Variants in OPA1 observed in about 807,000 individuals in gnomAD.
The protein encoded by OPA1 is OPA1 mitochondrial dynamin like GTPase.
In OPA1, 59 loss-of-function variants were observed where a neutral mutation model predicts 152.9. The observed-to-expected ratio is 0.39, with a 90% CI of 0.31 to 0.48. The LOEUF (loss-of-function observed/expected upper bound fraction) is 0.48. OPA1 is among the 20% of genes least tolerant of loss of function. The probability of loss-of-function intolerance (pLI) is 0.96; values close to 1 mark genes in which losing one functional copy is unlikely to be tolerated. For synonymous variants in OPA1, 400 were observed against 389.9 expected, an observed-to-expected ratio of 1.03 and a Z score of -0.31; for missense variants, 1,008 against 1,216.8, an observed-to-expected ratio of 0.83 and a Z score of 2.55.
At chr3:193,598,911 C>G (rs987778043) in intron 1 of OPA1, among the ~76,000 whole-genome samples, 7 of 152,266 alleles carry the variant, frequency 4.6e-5, no homozygotes, top group African/African-American at 1.7e-4. Context: ...GAAGGGTGAG[C>G]TAAACGTTGT....
At chr3:193,609,188 A>G (rs929777949) in intron 1 of OPA1, among the ~76,000 whole-genome samples, 1 of 152,200 alleles carries the variant, frequency 6.6e-6, no homozygotes, top group Non-Finnish European at 1.5e-5. Flanking sequence ...TAATTGGAGC[A>G]TTTAGCCCAT....
intron 1 of OPA1, among the ~76,000 whole-genome samples, chr3:193,598,690 T>C (rs1725990071): frequency 6.6e-6 from 1 of 152,036 alleles, no homozygotes; most frequent in South Asian, 2.1e-4. Context: ...AGGATGTGAA[T>C]AGGTAAGGAG....
intron 11 of OPA1, among the ~76,000 whole-genome samples, chr3:193,642,220 G>A (rs1482444744): frequency 6.6e-6 from 1 of 152,148 alleles, no homozygotes; most frequent in Non-Finnish European, 1.5e-5. Flanking sequence ...CTCTTCTGTG[G>A]CACCCTAGGT....
chr3:193,609,676 A>G (rs1727881162), intron 1 of OPA1, among the ~76,000 whole-genome samples: 1 of 152,204 alleles, frequency 6.6e-6, no homozygotes, highest in African/African-American at 2.4e-5. Context: ...CAGGTACACC[A>G]ATCAGACGTA....
intron 29 of OPA1, among the ~76,000 whole-genome samples, chr3:193,689,665 C>T (rs75819186): frequency 0.013 from 1,935 of 152,236 alleles, 46 homozygotes; most frequent in African/African-American, 0.045. Flanking sequence ...TACCACCTCC[C>T]TGCAGTAGTC....
At chr3:193,679,960 G>A (rs1202519417) in intron 29 of OPA1, among the ~76,000 whole-genome samples, 1 of 152,124 alleles carries the variant, frequency 6.6e-6, no homozygotes, top group Admixed American at 6.5e-5. Context: ...GTGATAAACA[G>A]CACCTCTGTA....
intron 1 of OPA1, among the ~76,000 whole-genome samples, chr3:193,613,211 C>G (rs1235405255): frequency 6.6e-6 from 1 of 152,120 alleles, no homozygotes; most frequent in African/African-American, 2.4e-5. Context: ...TGGGATTGGC[C>G]AACACTCAGC....
At chr3:193,685,606 A>G (rs976933473) in intron 29 of OPA1, among the ~76,000 whole-genome samples, 2 of 152,204 alleles carry the variant, frequency 1.3e-5, no homozygotes, top group African/African-American at 4.8e-5. Context: ...AATTTACCCA[A>G]GCAGTCCTTG....
rs938737616 is a variant in OPA1, at chr3:193,594,763, CAGTT to C, written c.32+1357_32+1360del. The stretch of plus-strand genomic sequence containing the variant: ...GATAACAATAGTTAACAGTGTTAGT[CAGTT>C]AGAATTATTGCATAGGTATTTTTAA... On this transcript the variant is annotated intron_variant, in intron 1 of 30. Transcript: ENST00000361510. 9.0e-4 allele frequency among the ~76,000 whole-genome samples: 137 copies of C among 151,884 alleles called. 1 individual carries two copies. Among genetic ancestry groups the C allele is most frequent in the African/African-American group, 3.0e-3 (123 of 41,412 alleles).
intron 23 of OPA1, among the ~76,000 whole-genome samples, chr3:193,657,476 T>C (rs961808427): frequency 7.2e-5 from 11 of 152,202 alleles, no homozygotes; most frequent in Non-Finnish European, 1.6e-4. Flanking sequence ...GTAAACAGAC[T>C]CTGATAAACT....
At chr3:193,676,927 G>A (rs1019063677) in intron 29 of OPA1, among the ~76,000 whole-genome samples, 2 of 144,732 alleles carry the variant, frequency 1.4e-5, no homozygotes, top group African/African-American at 5.2e-5. Flanking sequence ...CTTGCGGTGA[G>A]CCGAGATCGC....
rs73069703 is a variant in OPA1, at chr3:193,654,898, A to G, written c.2049A>G (p.Val683=). ...TTCAACAATCTTTGTGGGAAAGAGT[A>G]TCAACTCATGTGATTGAAAACATCT... ...EILQQSLWER[V]STHVIENIYL... The change falls in exon 22 of 31, where the codon GTA becomes GTG. Residue 683 remains valine, a synonymous_variant. Coordinates refer to ENST00000361510, the MANE Select transcript of OPA1 (RefSeq NM_130837.3). 4,081 of 1,613,918 alleles carry G rather than the reference A, an allele frequency of 2.5e-3. 44 individuals carry two copies. Among genetic ancestry groups the G allele is most frequent in the East Asian group, 0.022 (981 of 44,822 alleles).
At chr3:193,646,110 C>T (rs962338445) in intron 18 of OPA1, among the ~76,000 whole-genome samples, 22 of 152,158 alleles carry the variant, frequency 1.4e-4, no homozygotes, top group Admixed American at 1.2e-3. Flanking sequence ...GACGCTTTCA[C>T]TTTTAAACGT....
intron 1 of OPA1, among the ~76,000 whole-genome samples, chr3:193,611,313 G>A (rs1321612521): frequency 6.6e-6 from 1 of 152,052 alleles, no homozygotes; most frequent in African/African-American, 2.4e-5. Flanking sequence ...AAAATGCTTA[G>A]CTAGGTTGGG....
chr3:193,640,439 T>C (rs975291030), intron 11 of OPA1, among the ~76,000 whole-genome samples: 1 of 151,992 alleles, frequency 6.6e-6, no homozygotes, highest in Non-Finnish European at 1.5e-5. Flanking sequence ...TCAAGGAAGG[T>C]GAACATAGAA....
At chr3:193,622,278 G>T (rs1730261611) in intron 6 of OPA1, among the ~76,000 whole-genome samples, 1 of 140,718 alleles carries the variant, frequency 7.1e-6, no homozygotes, top group African/African-American at 2.7e-5. Flanking sequence ...CACCCGGCTG[G>T]AGTACAGTGG....
chr3:193,638,110 T>C, intron 11 of OPA1, 45 bp downstream of exon 11: 1 of 1,308,374 alleles, frequency 7.6e-7, no homozygotes. Context: ...GGAGAGTAAC[T>C]GCTTCAGTGA....
intron 7 of OPA1, among the ~76,000 whole-genome samples, chr3:193,627,548 A>G (rs1250909740): frequency 6.6e-6 from 1 of 152,184 alleles, no homozygotes; most frequent in African/African-American, 2.4e-5. Flanking sequence ...ATGTTCTTAT[A>G]TGTTACTTAG....
chr3:193,597,996 A>G (rs1283487926), intron 1 of OPA1, among the ~76,000 whole-genome samples: 3 of 151,982 alleles, frequency 2.0e-5, no homozygotes, highest in Non-Finnish European at 2.9e-5. Flanking sequence ...GGAGGATCAC[A>G]CTTGAGCCCA....
Sources: gnomAD v4.1 joint callset for allele counts (sites outside exome capture counted in the v4.1 genomes callset) on GRCh38, gnomAD v4.1.1 for gene constraint, MANE v1.5 for transcripts, NCBI Gene and HGNC (gene_info 2026-07-23, HGNC 2026-07-21) for gene names.